Variants in PTPRE observed in about 807,000 individuals in gnomAD.
PTPRE encodes the protein protein tyrosine phosphatase receptor type E, also known as receptor-type tyrosine-protein phosphatase epsilon.
Under a neutral mutation model 102.0 loss-of-function variants are expected in PTPRE, and 51 were observed. The observed-to-expected ratio is 0.50, with a 90% CI of 0.40 to 0.63. The LOEUF (loss-of-function observed/expected upper bound fraction) is 0.63. Among genes scored for constraint, PTPRE ranks in the 30% least tolerant of loss-of-function variants. PTPRE has a pLI of 0.00. For missense variants in PTPRE, 752 were observed against 915.1 expected, an observed-to-expected ratio of 0.82 and a Z score of 2.30; for synonymous variants, 345 against 348.2, an observed-to-expected ratio of 0.99 and a Z score of 0.10.
At chr10:128,005,144 C>T (rs149811003) in intron 2 of PTPRE, among the ~76,000 whole-genome samples, 4 of 152,308 alleles carry the variant, frequency 2.6e-5, no homozygotes, top group Admixed American at 6.5e-5. Context: ...TACGTCCTTA[C>T]GACATAAATC....
chr10:128,061,854 C>T, intron 9 of PTPRE, 139 bp downstream of exon 9: 1 of 1,076,482 alleles, frequency 9.3e-7, no homozygotes, highest in Non-Finnish European at 1.3e-6. Flanking sequence ...GTTAGATATC[C>T]ATTCACACAA....
At chr10:128,036,874 T>C (rs905651526) in intron 2 of PTPRE, among the ~76,000 whole-genome samples, 1 of 152,104 alleles carries the variant, frequency 6.6e-6, no homozygotes, top group Non-Finnish European at 1.5e-5. Flanking sequence ...GACTCTGCAT[T>C]CCTCACATGC....
intron 11 of PTPRE, among the ~76,000 whole-genome samples, chr10:128,066,978 A>C (rs1366150097): frequency 7.5e-6 from 1 of 133,730 alleles, no homozygotes; most frequent in Non-Finnish European, 1.8e-5. Context: ...ACATGCACAC[A>C]CACCCACACA....
intron 1 of PTPRE, among the ~76,000 whole-genome samples, chr10:127,917,679 T>C (rs905998198): frequency 3.2e-4 from 49 of 152,036 alleles, no homozygotes; most frequent in African/African-American, 1.1e-3. Flanking sequence ...AAATTTTTTT[T>C]ATTTTGAAAA....
At chr10:127,945,211 G>T (rs1848541779) in intron 1 of PTPRE, among the ~76,000 whole-genome samples, 1 of 152,204 alleles carries the variant, frequency 6.6e-6, no homozygotes, top group Admixed American at 6.5e-5. Context: ...ATGGATCTGG[G>T]ATTAGACAGT....
intron 2 of PTPRE, among the ~76,000 whole-genome samples, chr10:128,005,166 C>A (rs1434993436): frequency 6.6e-6 from 1 of 152,196 alleles, no homozygotes; most frequent in Non-Finnish European, 1.5e-5. Flanking sequence ...TTTGAAAATA[C>A]GTTTTCACAT....
intron 2 of PTPRE, among the ~76,000 whole-genome samples, chr10:128,029,839 C>T (rs1306131508): frequency 1.3e-5 from 2 of 152,252 alleles, no homozygotes; most frequent in Non-Finnish European, 2.9e-5. Context: ...TTCCTCCACC[C>T]ACCTGCCTGC....
chr10:128,040,311 G>A (rs992441677), intron 2 of PTPRE, among the ~76,000 whole-genome samples: 16 of 152,298 alleles, frequency 1.1e-4, no homozygotes, highest in Admixed American at 1.0e-3. Flanking sequence ...GAAGAACAGA[G>A]AACTTGGCTG....
intron 1 of PTPRE, chr10:127,965,121 G>A: frequency 2.7e-6 from 1 of 374,274 alleles, no homozygotes; most frequent in South Asian, 2.0e-5. Flanking sequence ...ATTACAAGTT[G>A]GCTTTTTTAC....
chr10:128,033,365 A>C (rs978469399), intron 2 of PTPRE, among the ~76,000 whole-genome samples: 1 of 152,228 alleles, frequency 6.6e-6, no homozygotes, highest in South Asian at 2.1e-4. Context: ...GTCACTTTCA[A>C]GCAGGAATTT....
intron 1 of PTPRE, among the ~76,000 whole-genome samples, chr10:127,916,765 G>C (rs1032410550): frequency 6.6e-6 from 1 of 152,174 alleles, no homozygotes; most frequent in Non-Finnish European, 1.5e-5. Context: ...CAGGAGTCTG[G>C]ATTCTGTGTG....
At chr10:128,001,657 T>C (rs1853910426) in intron 2 of PTPRE, among the ~76,000 whole-genome samples, 1 of 152,136 alleles carries the variant, frequency 6.6e-6, no homozygotes, top group South Asian at 2.1e-4. Flanking sequence ...AGGAAACTCC[T>C]CATAGAGGCA....
chr10:127,975,669 T>A (rs1851098470), intron 1 of PTPRE, among the ~76,000 whole-genome samples: 2 of 152,170 alleles, frequency 1.3e-5, no homozygotes, highest in Non-Finnish European at 2.9e-5. Context: ...GATCAATCAT[T>A]TTCTCTGGGG....
intron 17 of PTPRE, among the ~76,000 whole-genome samples, chr10:128,075,612 A>T (rs552376289): frequency 5.9e-5 from 9 of 152,348 alleles, no homozygotes; most frequent in Middle Eastern, 3.4e-3. Flanking sequence ...TTGCAAGATA[A>T]TTCCTAATTG....
intron 1 of PTPRE, among the ~76,000 whole-genome samples, chr10:127,931,896 C>T (rs1847470990): frequency 6.6e-6 from 1 of 152,120 alleles, no homozygotes; most frequent in African/African-American, 2.4e-5. Flanking sequence ...AGGGACTCAT[C>T]TCCTAGCAAA....
chr10:127,938,236 G>A (rs1057196767), intron 1 of PTPRE, among the ~76,000 whole-genome samples: 1 of 152,214 alleles, frequency 6.6e-6, no homozygotes, highest in African/African-American at 2.4e-5. Flanking sequence ...CAGCATAGCA[G>A]CCCCTTAATT....
intron 9 of PTPRE, 148 bp from the exon 10 acceptor site, chr10:128,062,935 C>G (rs896990647): frequency 2.2e-6 from 3 of 1,387,952 alleles, no homozygotes; most frequent in Non-Finnish European, 2.9e-6. Flanking sequence ...GGTTCCGGAA[C>G]GCTTCAGGGC....
Position 127,967,011 on chromosome 10 carries a change from T to G in PTPRE, c.-30-15263T>G, listed in dbSNP as rs184257304. 3.8e-3 allele frequency among the ~76,000 whole-genome samples: 577 copies of G among 152,312 alleles called. 7 individuals are homozygous for G. Among genetic ancestry groups the G allele is most frequent in the African/African-American group, 0.013 (544 of 41,538 alleles). On this transcript the variant is annotated intron_variant, in intron 1 of 20. Coordinates refer to ENST00000254667, the MANE Select transcript of PTPRE (RefSeq NM_006504.6). ...TTGCTCTGTAAGAGATAAAGCGTTT[T>G]GTGGCAAACAAACAAACACTTCAAG...
intron 11 of PTPRE, among the ~76,000 whole-genome samples, chr10:128,066,634 G>A (rs994103607): frequency 6.6e-6 from 1 of 152,226 alleles, no homozygotes; most frequent in Non-Finnish European, 1.5e-5. Flanking sequence ...GTTTAAGAGA[G>A]AGATCAGTAA....
Sources: gnomAD v4.1 joint callset for allele counts (sites outside exome capture counted in the v4.1 genomes callset) on GRCh38, gnomAD v4.1.1 for gene constraint, MANE v1.5 for transcripts, NCBI Gene and HGNC (gene_info 2026-07-23, HGNC 2026-07-21) for gene names.